GOLIM4: variants seen among roughly 807,000 people sequenced by gnomAD.
The protein encoded by GOLIM4 is golgi integral membrane protein 4.
A neutral mutation model predicts 107.4 loss-of-function variants in GOLIM4; 71 were observed. That is an observed-to-expected ratio of 0.66 (90% CI 0.55 to 0.81). GOLIM4 has a LOEUF of 0.81. GOLIM4 is among the 30% of genes least tolerant of loss of function. GOLIM4 has a pLI of 0.00. For synonymous variants in GOLIM4, 327 were observed against 294.8 expected (o/e 1.11, Z -1.12); for missense variants, 830 against 826.1 (o/e 1.00, Z -0.06).
intron 14 of GOLIM4, among the ~76,000 whole-genome samples, chr3:168,019,059 T>C (rs1327881123): frequency 1.3e-5 from 2 of 152,202 alleles, no homozygotes; most frequent in East Asian, 3.9e-4. Flanking sequence ...AATAAAACTT[T>C]ACTTATGAAC....
chr3:168,074,662 G>A (rs1261649951), intron 1 of GOLIM4, among the ~76,000 whole-genome samples: 1 of 152,086 alleles, frequency 6.6e-6, no homozygotes, highest in Non-Finnish European at 1.5e-5. Context: ...CTACTATGTG[G>A]AAGATTGGGG....
chr3:168,024,926 AC>A lies in GOLIM4; in HGVS notation c.1791+1del. The A allele has an allele frequency of 6.2e-7, 1 of 1,612,502 alleles. No individual in the cohort carries two copies. Among genetic ancestry groups the A allele is most frequent in the Non-Finnish European group, 8.5e-7 (1 of 1,178,718 alleles). ...CCACCCTTCCTCGTGGCATCTGCTT[AC>A]CACCAAATGTTCCTCCACTTCTGTA... is the stretch of plus-strand genomic sequence containing the variant. On this transcript the variant is annotated splice_donor_variant, in intron 13 of 15. Coordinates refer to ENST00000470487, the MANE Select transcript of GOLIM4 (RefSeq NM_014498.5). LOFTEE classifies it high-confidence loss of function.
chr3:168,051,226 G>A (rs1719625565), intron 1 of GOLIM4, among the ~76,000 whole-genome samples: 1 of 152,068 alleles, frequency 6.6e-6, no homozygotes, highest in South Asian at 2.1e-4. Flanking sequence ...TGGGTGAAGA[G>A]TGCTGGGTGC....
chr3:168,085,972 T>C (rs1166555170), intron 1 of GOLIM4, among the ~76,000 whole-genome samples: 1 of 152,132 alleles, frequency 6.6e-6, no homozygotes, highest in East Asian at 1.9e-4. Flanking sequence ...AAAGATTGTA[T>C]GGATACCTAA....
intron 1 of GOLIM4, among the ~76,000 whole-genome samples, chr3:168,055,344 G>A (rs928893972): frequency 2.0e-5 from 3 of 152,166 alleles, no homozygotes; most frequent in African/African-American, 7.2e-5. Context: ...AAATGGAGAT[G>A]AGAAACTTGT....
intron 14 of GOLIM4, among the ~76,000 whole-genome samples, chr3:168,016,553 A>T (rs1577501973): frequency 1.5e-5 from 2 of 133,256 alleles, no homozygotes; most frequent in South Asian, 4.2e-4. Context: ...TATATACCCA[A>T]AGGATTATAA....
At chr3:168,037,039 C>T (rs925880482) in intron 7 of GOLIM4, 45 bp from the exon 8 acceptor site, 66 of 1,437,272 alleles carry the variant, frequency 4.6e-5, no homozygotes, top group Non-Finnish European at 6.3e-5. Flanking sequence ...TATGAATGCC[C>T]ATTCATAGAT....
chr3:168,010,719 T>G (rs377464933), intron 15 of GOLIM4, 24 bp downstream of exon 15: 1 of 1,527,480 alleles, frequency 6.5e-7, no homozygotes, highest in South Asian at 1.1e-5. Flanking sequence ...AAGTGCTCAA[T>G]AGAAATATGT....
chr3:168,044,486 G>C (rs1719192695), intron 4 of GOLIM4, among the ~76,000 whole-genome samples: 1 of 152,152 alleles, frequency 6.6e-6, no homozygotes, highest in Non-Finnish European at 1.5e-5. Flanking sequence ...CCTCCAATCT[G>C]TGTAAGATAA....
intron 9 of GOLIM4, among the ~76,000 whole-genome samples, chr3:168,031,891 G>C (rs1463192169): frequency 6.6e-6 from 1 of 152,162 alleles, no homozygotes; most frequent in Non-Finnish European, 1.5e-5. Flanking sequence ...AAAGAAGAAA[G>C]GGTAGAGTTT....
At chr3:168,040,055 ATTCCTCCAGT>A (rs1718896672) in intron 7 of GOLIM4, among the ~76,000 whole-genome samples, 1 of 152,208 alleles carries the variant, frequency 6.6e-6, no homozygotes, top group Non-Finnish European at 1.5e-5. Flanking sequence ...TTTTATCATA[ATTCCTCCAGT>A]AAGAATAAAA....
At chr3:168,027,253 A>G (rs1718044060) in intron 12 of GOLIM4, among the ~76,000 whole-genome samples, 1 of 152,216 alleles carries the variant, frequency 6.6e-6, no homozygotes, top group East Asian at 1.9e-4. Context: ...TATATTTATT[A>G]AAATGGTCAC....
chr3:168,048,370 A>G lies in GOLIM4; in HGVS notation c.188-5T>C. The G allele has an allele frequency of 7.2e-7, 1 of 1,385,390 alleles. No homozygotes were observed. The highest frequency in any genetic ancestry group is 2.3e-5 in the East Asian group (1 of 43,372). 85.8% of individuals were successfully genotyped at this position (1,385,390 alleles called of 1,614,324 possible). On this transcript the variant is annotated splice_region_variant and splice_polypyrimidine_tract_variant and intron_variant, in intron 1 of 15. Coordinates refer to ENST00000470487, the MANE Select transcript of GOLIM4 (RefSeq NM_014498.5). ...TTGATCTGTGTTCATATACAACTGG[A>G]AAAAAAGTTAACATTTTTGTCTTCA...
intron 12 of GOLIM4, among the ~76,000 whole-genome samples, chr3:168,027,499 GTT>G (rs367786849): frequency 2.1e-5 from 3 of 143,886 alleles, no homozygotes; most frequent in African/African-American, 7.6e-5. Context: ...TCCTGGTTTT[GTT>G]TTTTTTTTTC....
rs1716869930 is a variant in GOLIM4, at chr3:168,009,471, A to G, written c.*798T>C. On this transcript the variant is annotated 3_prime_UTR_variant, in exon 16 of 16. Coordinates refer to ENST00000470487, the MANE Select transcript of GOLIM4 (RefSeq NM_014498.5). ...AAATTGAGAATGGGTGCTCGCATAG[A>G]AACACCACACGCAAACACTCATTAG... 2 of 136,710 alleles carry G rather than the reference A, an allele frequency of 1.5e-5. No individual in the cohort carries two copies. The highest frequency in any genetic ancestry group is 5.0e-5 in the African/African-American group (2 of 39,740). 8.5% of individuals were successfully genotyped at this position (136,710 alleles called of 1,614,324 possible).
intron 13 of GOLIM4, 37 bp downstream of exon 13, chr3:168,024,891 C>G (rs1560072607): frequency 1.3e-6 from 2 of 1,562,494 alleles, no homozygotes; most frequent in Middle Eastern, 1.7e-4. Context: ...TTAAAATAGC[C>G]CAGTTAAATC....
chr3:168,095,064 T>C lies in GOLIM4; in HGVS notation c.187+35A>G, dbSNP rs369691653. On this transcript the variant is annotated intron_variant, in intron 1 of 15. Coordinates refer to ENST00000470487, the MANE Select transcript of GOLIM4 (RefSeq NM_014498.5). ...GCCCGGGTGGAGGCGCGGGGCAAAG[T>C]TGGCCACCGGCTGCGCGCGTCCCGT... 3.1e-5 allele frequency: 48 copies of C among 1,548,570 alleles called. 1 individual carries two copies. The highest frequency in any genetic ancestry group is 1.9e-4 in the African/African-American group (14 of 73,076).
chr3:168,045,704 A>G (rs969983000), intron 3 of GOLIM4, among the ~76,000 whole-genome samples: 2 of 152,108 alleles, frequency 1.3e-5, no homozygotes, highest in Admixed American at 6.6e-5. Flanking sequence ...GTATACACTC[A>G]TGCATTTTTT....
At chr3:168,042,720 C>A (rs1719087609) in intron 5 of GOLIM4, among the ~76,000 whole-genome samples, 1 of 152,154 alleles carries the variant, frequency 6.6e-6, no homozygotes, top group South Asian at 2.1e-4. Context: ...TATGAAAATA[C>A]CTGACACAGA....
Sources: gnomAD v4.1 joint callset for allele counts (sites outside exome capture counted in the v4.1 genomes callset) on GRCh38, gnomAD v4.1.1 for gene constraint, MANE v1.5 for transcripts, NCBI Gene and HGNC (gene_info 2026-07-23, HGNC 2026-07-21) for gene names.